ZNF100: variants seen among roughly 807,000 people sequenced by gnomAD.
ZNF100 encodes zinc finger protein 100.
ZNF100 carries 12 observed loss-of-function variants against 15.8 expected under a neutral mutation model. The observed-to-expected ratio is 0.76, with a 90% CI of 0.49 to 1.23. The LOEUF is 1.23. ZNF100 is among the 50% of genes most tolerant of loss of function. The probability of loss-of-function intolerance (pLI) is 0.00; values close to 1 mark genes in which losing one functional copy is unlikely to be tolerated. For missense variants in ZNF100, 670 were observed against 635.6 expected (o/e 1.05, Z -0.58); for synonymous variants, 226 against 214.8 (o/e 1.05, Z -0.45).
At position 21,726,943 on chromosome 19, in the gene ZNF100, A is replaced by G; in HGVS notation, c.1369T>C (p.Tyr457His). The G allele has an allele frequency of 6.2e-7, 1 of 1,611,314 alleles. No individual in the cohort carries two copies. Among genetic ancestry groups the G allele is most frequent in the East Asian group, 2.3e-5 (1 of 44,176 alleles). ...HKMIHTGEKP[Y>H]KCDECGKAFN... ...GCTTTGCCACATTCGTCACATTTGT[A>G]GGGTTTCTCTCCAGTATGAATCATC... The change falls in exon 5 of 5, where the codon TAC becomes CAC. Residue 457 changes from tyrosine to histidine, a missense_variant. By Grantham distance (83) the Tyr-to-His change is moderately conservative. Coordinates refer to ENST00000358296, the MANE Select transcript of ZNF100 (RefSeq NM_173531.4).
In ZNF100 at chr19:21,750,880, C is replaced by G. The variant is rs1209132506; in HGVS notation, c.97-5813G>C. On this transcript the variant is annotated intron_variant, in intron 2 of 4. Transcript: ENST00000358296. Reference sequence around the variant, plus strand: ...CACGCTGACCTATTGCGTGTCCCCCCAGTACCAGCCTCAAGCTGGGCCGGT... The same window carrying G: ...CACGCTGACCTATTGCGTGTCCCCCGAGTACCAGCCTCAAGCTGGGCCGGT... 3 of 568,864 alleles carry G rather than the reference C, an allele frequency of 5.3e-6. No individual in the cohort carries two copies. The South Asian group carries it at 7.1e-5, about 14-fold the overall frequency. The allele number at this position is 568,864 out of a possible 1,614,324, so 35.2% of individuals were successfully genotyped here.
intron 2 of ZNF100, among the ~76,000 whole-genome samples, chr19:21,754,492 T>G (rs1024553190): frequency 6.6e-6 from 1 of 152,114 alleles, no homozygotes; most frequent in African/African-American, 2.4e-5. Flanking sequence ...CACCACACAT[T>G]TACAACCATC....
chr19:21,727,318 GGT>G lies in ZNF100; in HGVS notation c.992_993del (p.His331ProfsTer17), dbSNP rs1376625283. 4 of 1,612,820 alleles carry G rather than the reference GGT, an allele frequency of 2.5e-6. No homozygotes were observed. In the African/African-American group the frequency reaches 4.0e-5, roughly 16 times the overall value. On this transcript the variant is annotated frameshift_variant, in exon 5 of 5. Transcript: ENST00000358296. LOFTEE classifies it low-confidence loss of function (END_TRUNC). The part of the protein sequence containing the change: ...ECGKAFNRSS[H>X]LTTHRIIHTG... ...GTATGAATTATCCTGTGTGTAGTAA[GGT>G]GTGAGGACCGGTTAAAAGCTTTGCC...
At chr19:21,766,387 G>A (rs1391669207) in intron 1 of ZNF100, among the ~76,000 whole-genome samples, 2 of 148,200 alleles carry the variant, frequency 1.3e-5, no homozygotes, top group East Asian at 2.0e-4. Flanking sequence ...CAATTCCACT[G>A]AGGTGTCTCT....
intron 4 of ZNF100, among the ~76,000 whole-genome samples, chr19:21,742,487 G>A (rs1416981258): frequency 6.8e-6 from 1 of 146,928 alleles, no homozygotes; most frequent in South Asian, 2.2e-4. Context: ...ACAGTGAAAC[G>A]CCGTCTCAAA....
Position 21,725,189 on chromosome 19 carries a change from G to GT in ZNF100, c.*1493dup, listed in dbSNP as rs2035755073. The GT allele has an allele frequency of 1.3e-5, 2 of 152,138 alleles. No individual in the cohort carries two copies. The highest frequency in any genetic ancestry group is 4.8e-5 in the African/African-American group (2 of 41,420). 9.4% of individuals were successfully genotyped at this position (152,138 alleles called of 1,614,324 possible). On this transcript the variant is annotated 3_prime_UTR_variant, in exon 5 of 5. Transcript: ENST00000358296. ...TTACCAAATAGTATACTGTTACCATGTTTTACGTACACCCTTGAGTAAGGT... is the reference window on the plus strand; with the variant it reads ...TTACCAAATAGTATACTGTTACCATGTTTTTACGTACACCCTTGAGTAAGGT...
intron 4 of ZNF100, 112 bp downstream of exon 4, chr19:21,743,905 A>G: frequency 8.7e-7 from 1 of 1,143,046 alleles, no homozygotes; most frequent in Admixed American, 2.8e-5. Flanking sequence ...CAGGCATCCC[A>G]GAAACTATTT....
intron 4 of ZNF100, among the ~76,000 whole-genome samples, chr19:21,739,839 TA>T (rs577038803): frequency 1.4e-4 from 22 of 152,098 alleles, no homozygotes; most frequent in Middle Eastern, 3.4e-3. Flanking sequence ...TAAAATAAAA[TA>T]AAATTAAATT....
At chr19:21,761,086 A>G (rs916172402) in intron 2 of ZNF100, among the ~76,000 whole-genome samples, 1 of 152,058 alleles carries the variant, frequency 6.6e-6, no homozygotes, top group Non-Finnish European at 1.5e-5. Flanking sequence ...ACTAATGGAG[A>G]ACTAAAATGG....
rs1209367405 is a variant in ZNF100 at position 21,727,986 on chromosome 19, A to G, written c.326T>C (p.Ile109Thr). The G allele has an allele frequency of 1.5e-5, 22 of 1,512,674 alleles. No homozygotes were observed. The highest frequency in any genetic ancestry group is 1.8e-5 in the Non-Finnish European group (21 of 1,136,700). The allele number at this position is 1,512,674 out of a possible 1,614,324, so 93.7% of individuals were successfully genotyped here. ...RHEMVAKPPV[I>T]CSHFPQDLWA... is the part of the protein sequence containing the mutation. ...AAGGTCTTGGGGAAAATGAGAACAT[A>G]TAACTGAAAGAAATAAAAATAACAA... The change falls in exon 5 of 5, where the codon ATA becomes ACA. Residue 109 changes from isoleucine to threonine, a missense_variant. Physicochemically the swap from Ile to Thr is moderately conservative, Grantham distance 89. Coordinates refer to ENST00000358296, the MANE Select transcript of ZNF100 (RefSeq NM_173531.4).
At chr19:21,765,933 A>G in intron 1 of ZNF100, 147 bp from the exon 2 acceptor site, 1 of 699,844 alleles carries the variant, frequency 1.4e-6, no homozygotes, top group South Asian at 2.0e-5. Flanking sequence ...ATCACCCCAT[A>G]GATTTTTCCA....
At chr19:21,750,709 A>C in intron 2 of ZNF100, 1 of 279,456 alleles carries the variant, frequency 3.6e-6, no homozygotes, top group Non-Finnish European at 6.6e-6. Context: ...TGGGCGGGTG[A>C]ACTGCCAGCG....
rs369626085 is a variant in ZNF100 at position 21,744,951 on chromosome 19, C to G, written c.213G>C (p.Leu71=). ...RKVMLENYRN[L]VFLAGIALTK... is the part of the protein sequence containing the mutation. ...TAAAGTTATTCTCACCCAAGAAGACCAGGTTTCTGTAGTTCTCTAACATCA... is the reference window on the plus strand; with the variant it reads ...TAAAGTTATTCTCACCCAAGAAGACGAGGTTTCTGTAGTTCTCTAACATCA... The change falls in exon 3 of 5, where the codon CTG becomes CTC. Residue 71 remains leucine, a synonymous_variant. Transcript: ENST00000358296. 2.2e-5 allele frequency: 36 copies of G among 1,606,492 alleles called. No individual in the cohort carries two copies. The highest frequency in any genetic ancestry group is 2.9e-5 in the Non-Finnish European group (34 of 1,178,386).
At chr19:21,732,990 G>A (rs1045847573) in intron 4 of ZNF100, among the ~76,000 whole-genome samples, 4 of 152,146 alleles carry the variant, frequency 2.6e-5, no homozygotes, top group Admixed American at 6.6e-5. Flanking sequence ...GCTTTAGGAA[G>A]CCAAGGCAGA....
At position 21,745,014 on chromosome 19, in the gene ZNF100, T is replaced by C. The variant is rs933946171; in HGVS notation, c.150A>G (p.Gln50=). The C allele has an allele frequency of 5.6e-6, 9 of 1,612,994 alleles. No homozygotes were observed. The East Asian group carries it at 6.7e-5, about 12-fold the overall frequency. The part of the protein sequence containing the change: ...VAIEFSLEEW[Q]CLDSAQQGLY... Reference sequence around the variant, plus strand: ...AACCCTGCTGAGCACTGTCCAGGCATTGCCACTCCTCCAGAGAGAATTCTA... The same window carrying C: ...AACCCTGCTGAGCACTGTCCAGGCACTGCCACTCCTCCAGAGAGAATTCTA... The change falls in exon 3 of 5, where the codon CAA becomes CAG. Residue 50 remains glutamine, a synonymous_variant. Coordinates refer to ENST00000358296, the MANE Select transcript of ZNF100 (RefSeq NM_173531.4).
chr19:21,765,653 C>T (rs1292668460), intron 2 of ZNF100, 41 bp downstream of exon 2: 2 of 1,581,008 alleles, frequency 1.3e-6, no homozygotes, highest in East Asian at 2.2e-5. Flanking sequence ...GAAATGAAAG[C>T]TGGGTTGGGT....
At chr19:21,759,432 A>G (rs961405301) in intron 2 of ZNF100, among the ~76,000 whole-genome samples, 13 of 152,318 alleles carry the variant, frequency 8.5e-5, no homozygotes, top group Admixed American at 5.9e-4. Context: ...ATTATGAATT[A>G]CACAGTGCTC....
At chr19:21,760,521 A>T (rs1292727487) in intron 2 of ZNF100, among the ~76,000 whole-genome samples, 1 of 151,860 alleles carries the variant, frequency 6.6e-6, no homozygotes, top group Non-Finnish European at 1.5e-5. Flanking sequence ...AATAATAATA[A>T]TAATTACATT....
chr19:21,735,049 A>C (rs1474398443), intron 4 of ZNF100, among the ~76,000 whole-genome samples: 1 of 152,214 alleles, frequency 6.6e-6, no homozygotes, highest in Non-Finnish European at 1.5e-5. Context: ...CTCCTGAAAG[A>C]AGCACTAAAT....
Sources: gnomAD v4.1 joint callset for allele counts (sites outside exome capture counted in the v4.1 genomes callset) on GRCh38, gnomAD v4.1.1 for gene constraint, MANE v1.5 for transcripts, NCBI Gene and HGNC (gene_info 2026-07-23, HGNC 2026-07-21) for gene names.